Variants in RECQL observed in about 807,000 individuals in gnomAD.
RECQL encodes ATP-dependent DNA helicase Q1.
In RECQL, 73 loss-of-function variants were observed where a neutral mutation model predicts 75.8. The ratio of observed to expected loss-of-function variants is 0.96; its 90% CI spans 0.80 to 1.17. The LOEUF is 1.17. Among genes scored for constraint, RECQL ranks in the 50% most tolerant of loss-of-function variants. The probability of loss-of-function intolerance (pLI) is 0.00; values close to 1 mark genes in which losing one functional copy is unlikely to be tolerated. For synonymous variants in RECQL, 248 were observed against 254.4 expected (o/e 0.97, Z 0.24); for missense variants, 699 against 772.1 (o/e 0.91, Z 1.12).
At chr12:21,482,566 A>T (rs1024324261) in intron 6 of RECQL, among the ~76,000 whole-genome samples, 2 of 152,236 alleles carry the variant, frequency 1.3e-5, no homozygotes, top group African/African-American at 4.8e-5. Flanking sequence ...TGAATCCAGC[A>T]TCTCAGGCAC....
intron 12 of RECQL, 115 bp downstream of exon 12, chr12:21,473,436 T>G (rs1358015873): frequency 1.3e-6 from 1 of 770,216 alleles, no homozygotes; most frequent in Non-Finnish European, 2.2e-6. Flanking sequence ...GTAAGTACAC[T>G]TTGATGTTTG....
intron 12 of RECQL, among the ~76,000 whole-genome samples, chr12:21,473,243 G>C (rs187749584): frequency 5.1e-4 from 77 of 152,076 alleles, no homozygotes; most frequent in African/African-American, 1.8e-3. Context: ...ACGGAGTCTC[G>C]CTGTCACCCA....
At chr12:21,474,674 A>C (rs1001636956) in intron 11 of RECQL, among the ~76,000 whole-genome samples, 167 bp downstream of exon 11, 2 of 152,132 alleles carry the variant, frequency 1.3e-5, no homozygotes, top group African/African-American at 2.4e-5. Flanking sequence ...TCTTGAACTA[A>C]GGCAGATCAT....
chr12:21,482,985 C>A (rs1179080633), intron 6 of RECQL, among the ~76,000 whole-genome samples: 1 of 152,064 alleles, frequency 6.6e-6, no homozygotes, highest in African/African-American at 2.4e-5. Context: ...GAAACAGATG[C>A]AAATTCTTCA....
intron 6 of RECQL, among the ~76,000 whole-genome samples, chr12:21,481,495 G>A (rs937436028): frequency 6.6e-6 from 1 of 152,012 alleles, no homozygotes; most frequent in African/African-American, 2.4e-5. Flanking sequence ...TTGAAAATAG[G>A]GCAAGAGTCA....
chr12:21,480,331 AG>A (rs1161415404), intron 6 of RECQL, among the ~76,000 whole-genome samples: 1 of 152,200 alleles, frequency 6.6e-6, no homozygotes, highest in Non-Finnish European at 1.5e-5. Flanking sequence ...AAAAAGTGTA[AG>A]AACGGAATCA....
chr12:21,484,912 G>GA (rs969941827), intron 5 of RECQL, among the ~76,000 whole-genome samples: 30 of 149,964 alleles, frequency 2.0e-4, no homozygotes, highest in African/African-American at 2.9e-4. Flanking sequence ...TAAAGAAAGG[G>GA]AAAAAAAAAT....
chr12:21,500,084 T>G (rs1943579595), intron 1 of RECQL, among the ~76,000 whole-genome samples: 1 of 152,220 alleles, frequency 6.6e-6, no homozygotes, highest in Non-Finnish European at 1.5e-5. Flanking sequence ...TATAAATAAG[T>G]TGGATAGATT....
At position 21,477,802 on chromosome 12, in the gene RECQL, C is replaced by T; in HGVS notation, c.867+1G>A. On this transcript the variant is annotated splice_donor_variant, in intron 7 of 14. Coordinates refer to ENST00000444129, the MANE Select transcript of RECQL (RefSeq NM_002907.4). LOFTEE classifies it high-confidence loss of function. ...AAGGAATTGACATAAAAATTACATA[C>T]CTCATAATATAGATTTGGCCTATTA... The T allele has an allele frequency of 6.2e-7, 1 of 1,602,348 alleles. No individual in the cohort carries two copies. The highest frequency in any genetic ancestry group is 1.1e-5 in the South Asian group (1 of 89,448).
At chr12:21,489,176 G>C (rs1216719139) in intron 4 of RECQL, among the ~76,000 whole-genome samples, 1 of 152,170 alleles carries the variant, frequency 6.6e-6, no homozygotes, top group Non-Finnish European at 1.5e-5. Context: ...CTAAACCAGG[G>C]ATCAACAAAG....
chr12:21,475,100 T>C, intron 10 of RECQL, 121 bp from the exon 11 acceptor site: 1 of 974,982 alleles, frequency 1.0e-6, no homozygotes, highest in Non-Finnish European at 1.5e-6. Context: ...TTTAGAGATG[T>C]GGAAGTTAAT....
chr12:21,477,355 A>C (rs1943106174), intron 7 of RECQL, among the ~76,000 whole-genome samples: 1 of 152,240 alleles, frequency 6.6e-6, no homozygotes, highest in Non-Finnish European at 1.5e-5. Context: ...AGAAAGAAAG[A>C]AAAGACAGCT....
In RECQL at chr12:21,470,130, T is replaced by G; in HGVS notation, c.*64A>C. 1.3e-6 allele frequency: 2 copies of G among 1,564,230 alleles called. No homozygotes were observed. Among genetic ancestry groups the G allele is most frequent in the Non-Finnish European group, 1.7e-6 (2 of 1,153,472 alleles). On this transcript the variant is annotated 3_prime_UTR_variant, in exon 15 of 15. Transcript: ENST00000444129. ...ATTCTTTTAAAAACTATTGTCTAACTACAAAAATAATGGCATATACATGCA... is the reference window on the plus strand; with the variant it reads ...ATTCTTTTAAAAACTATTGTCTAACGACAAAAATAATGGCATATACATGCA...
In RECQL at chr12:21,490,209, T is replaced by C. The variant is rs1943382613; in HGVS notation, c.384A>G (p.Leu128=). Residue 128 remains leucine, a synonymous_variant, in exon 4 of 15, where the codon TTA becomes TTG. Coordinates refer to ENST00000444129, the MANE Select transcript of RECQL (RefSeq NM_002907.4). ...GKSLCYQLPA[L]CSDGFTLVIC... ...TTTTTTAGTACATACCATCTGAACATAATGCTGGTAACTGGTAACATAAGC... is the reference window on the plus strand; with the variant it reads ...TTTTTTAGTACATACCATCTGAACACAATGCTGGTAACTGGTAACATAAGC... 6.2e-7 allele frequency: 1 copy of C among 1,609,118 alleles called. No homozygotes were observed. The highest frequency in any genetic ancestry group is 8.5e-7 in the Non-Finnish European group (1 of 1,176,342).
Position 21,491,060 on chromosome 12 carries a change from T to C in RECQL, c.214+459A>G, listed in dbSNP as rs145047570. 1.9e-3 allele frequency among the ~76,000 whole-genome samples: 293 copies of C among 152,296 alleles called. 1 individual carries two copies. Among genetic ancestry groups the C allele is most frequent in the African/African-American group, 6.7e-3 (279 of 41,562 alleles). On this transcript the variant is annotated intron_variant, in intron 3 of 14. Transcript: ENST00000444129. ...AAATATCTTGTTCAGACGTGAATCA[T>C]TGAAAAGCAACATCCACAAAAAGCA... is the stretch of plus-strand genomic sequence containing the variant.
chr12:21,472,877 A>C (rs1943007642), intron 12 of RECQL, among the ~76,000 whole-genome samples: 1 of 152,122 alleles, frequency 6.6e-6, no homozygotes, highest in Non-Finnish European at 1.5e-5. Context: ...AAAGTATTAG[A>C]GATTATCACA....
At chr12:21,475,615 T>C in intron 9 of RECQL, 30 bp from the exon 10 acceptor site, 1 of 1,607,916 alleles carries the variant, frequency 6.2e-7, no homozygotes, top group Non-Finnish European at 8.5e-7. Flanking sequence ...TATCAGTTAA[T>C]TAAATCAAGT....
chr12:21,497,131 G>T (rs942716783), intron 2 of RECQL, among the ~76,000 whole-genome samples: 1 of 152,116 alleles, frequency 6.6e-6, no homozygotes, highest in African/African-American at 2.4e-5. Context: ...CATCAACCAG[G>T]TGTCATCCGA....
intron 6 of RECQL, among the ~76,000 whole-genome samples, chr12:21,481,672 G>C (rs1943194287): frequency 6.6e-6 from 1 of 152,148 alleles, no homozygotes; most frequent in South Asian, 2.1e-4. Context: ...TCTGTAGGTA[G>C]AGAATGCAGT....
Sources: gnomAD v4.1 joint callset for allele counts (sites outside exome capture counted in the v4.1 genomes callset) on GRCh38, gnomAD v4.1.1 for gene constraint, MANE v1.5 for transcripts, NCBI Gene and HGNC (gene_info 2026-07-23, HGNC 2026-07-21) for gene names.